The following ERC1 variants were observed in gnomAD, a reference collection of about 807,000 sequenced individuals.
The protein encoded by ERC1 is ELKS/RAB6-interacting/CAST family member 1.
Under a neutral mutation model 132.0 loss-of-function variants are expected in ERC1, and 56 were observed. The ratio of observed to expected loss-of-function variants is 0.42; its 90% CI spans 0.34 to 0.53. The LOEUF (loss-of-function observed/expected upper bound fraction) is 0.53. ERC1 is among the 20% of genes least tolerant of loss of function. The pLI, the probability that ERC1 is intolerant of heterozygous loss-of-function variation, is 0.03. For synonymous variants in ERC1, 478 were observed against 476.1 expected (o/e 1.00, Z -0.05); for missense variants, 1,202 against 1,349.9 (o/e 0.89, Z 1.72).
In ERC1 at chr12:1,394,024, A is replaced by AAC. The variant is rs1555389299; in HGVS notation, c.2926-14124_2926-14123insCA. On this transcript the variant is annotated intron_variant, in intron 16 of 18. Coordinates refer to ENST00000360905, the MANE Select transcript of ERC1 (RefSeq NM_178040.4). Reference sequence around the variant, plus strand: ...GAGTGAGACTCCGTCTCAAAAAAAAAAAAAAAAAACAAAAAAAAAACCACA... The same window carrying AAC: ...GAGTGAGACTCCGTCTCAAAAAAAAAACAAAAAAAAACAAAAAAAAAACCACA... Among the ~76,000 whole-genome samples the AAC allele has an allele frequency of 9.3e-5, 10 of 107,842 alleles. 1 individual carries two copies. The highest frequency in any genetic ancestry group is 2.7e-4 in the African/African-American group (6 of 22,188). The allele number at this position is 107,842 out of a possible 152,430, so 70.7% of individuals were successfully genotyped here.
At position 1,329,275 on chromosome 12, in the gene ERC1, C is replaced by G. The variant is rs185790208; in HGVS notation, c.2780+39263C>G. ...CGCCACTGCACTTCAGCTTGGGCGA[C>G]AGAGCAAGACTCTGAATCAAAAAAA... On this transcript the variant is annotated intron_variant, in intron 15 of 18. Coordinates refer to ENST00000360905, the MANE Select transcript of ERC1 (RefSeq NM_178040.4). 4.3e-4 allele frequency among the ~76,000 whole-genome samples: 57 copies of G among 132,920 alleles called. 6 individuals are homozygous for G. Among genetic ancestry groups the G allele is most frequent in the African/African-American group, 1.6e-3 (54 of 34,630 alleles). The allele number at this position is 132,920 out of a possible 152,430, so 87.2% of individuals were successfully genotyped here. A position where few individuals can be genotyped will look rare whatever the true frequency, so the allele number is the denominator to read the frequency against.
intron 15 of ERC1, among the ~76,000 whole-genome samples, chr12:1,292,356 G>A (rs2079515976): frequency 6.6e-6 from 1 of 152,130 alleles, no homozygotes; most frequent in Admixed American, 6.5e-5. Flanking sequence ...TTCAAAGAAT[G>A]AAACCAACGA....
chr12:1,398,238 C>A (rs1217293955), intron 16 of ERC1, among the ~76,000 whole-genome samples: 1 of 152,144 alleles, frequency 6.6e-6, no homozygotes, highest in African/African-American at 2.4e-5. Flanking sequence ...CCCTCCTCAG[C>A]CTCCCAAAGT....
intron 16 of ERC1, among the ~76,000 whole-genome samples, chr12:1,398,150 G>C (rs2154385825): frequency 6.6e-6 from 1 of 151,810 alleles, no homozygotes; most frequent in South Asian, 2.1e-4. Flanking sequence ...TGTCTGGCTA[G>C]TTTTTGTATT....
rs149598787 is a variant in ERC1, at chr12:1,314,561, TACCTGAATTTTTGACA to T, written c.2780+24551_2780+24566del. 3.7e-3 allele frequency among the ~76,000 whole-genome samples: 563 copies of T among 152,320 alleles called. 6 individuals are homozygous for T. Among genetic ancestry groups the T allele is most frequent in the Middle Eastern group, 0.02 (6 of 294 alleles). On this transcript the variant is annotated intron_variant, in intron 15 of 18. Transcript: ENST00000360905. ...GCAATTCTACTTTGAGGAACTTTCC[TACCTGAATTTTTGACA>T]AGCACACAATGATTGACCCTGGTAA...
At chr12:1,335,541 A>G (rs1469413026) in intron 15 of ERC1, among the ~76,000 whole-genome samples, 1 of 151,894 alleles carries the variant, frequency 6.6e-6, no homozygotes, top group East Asian at 1.9e-4. Flanking sequence ...TGATTTTTGC[A>G]TGTTGAACCA....
At chr12:1,215,827 A>G (rs1958350766) in intron 12 of ERC1, among the ~76,000 whole-genome samples, 1 of 152,216 alleles carries the variant, frequency 6.6e-6, no homozygotes. Context: ...TATTAAAAAT[A>G]TAGGTTATTG....
chr12:1,420,925 G>T (rs184589591), intron 17 of ERC1, among the ~76,000 whole-genome samples: 3 of 145,448 alleles, frequency 2.1e-5, no homozygotes, highest in African/African-American at 5.0e-5. Flanking sequence ...GGTTTGGGGG[G>T]GGGGGGGGTT....
At chr12:1,355,054 G>A (rs1052257108) in intron 15 of ERC1, among the ~76,000 whole-genome samples, 1 of 152,128 alleles carries the variant, frequency 6.6e-6, no homozygotes, top group Non-Finnish European at 1.5e-5. Context: ...GTTAAGTTTG[G>A]AAAATACTTT....
At chr12:1,099,021 G>C (rs1174948114) in intron 3 of ERC1, among the ~76,000 whole-genome samples, 5 of 152,126 alleles carry the variant, frequency 3.3e-5, no homozygotes, top group Non-Finnish European at 7.3e-5. Context: ...TTGGGCCGTT[G>C]CTTTGAATGC....
At chr12:1,080,735 C>A (rs575629097) in intron 2 of ERC1, among the ~76,000 whole-genome samples, 9 of 152,014 alleles carry the variant, frequency 5.9e-5, no homozygotes, top group African/African-American at 1.9e-4. Context: ...TGCCTCATAC[C>A]GTGATTCTGA....
chr12:1,121,156 A>T (rs1404876624), intron 7 of ERC1, among the ~76,000 whole-genome samples: 2 of 152,230 alleles, frequency 1.3e-5, no homozygotes, highest in African/African-American at 4.8e-5. Context: ...CATTTTACAG[A>T]TGGGGAGTTA....
chr12:1,320,673 T>C (rs2082053671), intron 15 of ERC1, among the ~76,000 whole-genome samples: 1 of 152,102 alleles, frequency 6.6e-6, no homozygotes, highest in African/African-American at 2.4e-5. Context: ...GGAGTATGTA[T>C]TTGTAATTCT....
Position 1,325,059 on chromosome 12 carries a change from A to G in ERC1, c.2780+35047A>G, listed in dbSNP as rs183020112. On this transcript the variant is annotated intron_variant, in intron 15 of 18. Coordinates refer to ENST00000360905, the MANE Select transcript of ERC1 (RefSeq NM_178040.4). ...TTTAAAAATAATCAACTGTTTGTAGAAAAAAAATGAATTATTGTTGATGAC... is the reference window on the plus strand; with the variant it reads ...TTTAAAAATAATCAACTGTTTGTAGGAAAAAAATGAATTATTGTTGATGAC... Among the ~76,000 whole-genome samples the G allele has an allele frequency of 7.8e-4, 111 of 141,804 alleles. 1 individual carries two copies. In the Middle Eastern group the frequency reaches 0.02, roughly 25 times the overall value. The allele number at this position is 141,804 out of a possible 152,430, so 93.0% of individuals were successfully genotyped here. A position where few individuals can be genotyped will look rare whatever the true frequency, so the allele number is the denominator to read the frequency against.
chr12:1,245,584 G>A (rs1594507737), intron 13 of ERC1, among the ~76,000 whole-genome samples: 1 of 152,162 alleles, frequency 6.6e-6, no homozygotes, highest in East Asian at 1.9e-4. Flanking sequence ...ATTCCTTTTG[G>A]CAGAAAGTGA....
At chr12:1,175,698 T>C (rs948059970) in intron 8 of ERC1, among the ~76,000 whole-genome samples, 3 of 152,074 alleles carry the variant, frequency 2.0e-5, no homozygotes, top group Admixed American at 1.3e-4. Flanking sequence ...CACGCCTGGC[T>C]AACTTTTTGT....
chr12:1,097,840 G>A (rs1286146546), intron 3 of ERC1, among the ~76,000 whole-genome samples: 10 of 150,990 alleles, frequency 6.6e-5, no homozygotes, highest in Admixed American at 3.3e-4. Flanking sequence ...TCAGCCTCCC[G>A]AGTAGCTGGG....
chr12:1,460,599 C>A (rs569910016), intron 18 of ERC1, among the ~76,000 whole-genome samples: 9 of 152,224 alleles, frequency 5.9e-5, no homozygotes, highest in African/African-American at 2.2e-4. Context: ...GATCTCTCCA[C>A]AAAAAGAATG....
At chr12:1,463,840 G>A (rs1315860268) in intron 18 of ERC1, among the ~76,000 whole-genome samples, 1 of 151,900 alleles carries the variant, frequency 6.6e-6, no homozygotes, top group South Asian at 2.1e-4. Flanking sequence ...TTTTTAATGC[G>A]AAGACAAGGG....
Sources: gnomAD v4.1 joint callset for allele counts (sites outside exome capture counted in the v4.1 genomes callset) on GRCh38, gnomAD v4.1.1 for gene constraint, MANE v1.5 for transcripts, NCBI Gene and HGNC (gene_info 2026-07-23, HGNC 2026-07-21) for gene names.